MAML1: variants seen among roughly 807,000 people sequenced by gnomAD.
MAML1 encodes mastermind-like protein 1.
MAML1 carries 14 observed loss-of-function variants against 77.1 expected under a neutral mutation model. The observed-to-expected ratio is 0.18, with a 90% CI of 0.12 to 0.28. MAML1 has a LOEUF of 0.28. Ranked by LOEUF, MAML1 falls within the 10% of genes least tolerant of loss-of-function variation. The pLI, the probability that MAML1 is intolerant of heterozygous loss-of-function variation, is 1.00. For synonymous variants in MAML1, 516 were observed against 551.9 expected (o/e 0.93, Z 0.91); for missense variants, 1,217 against 1,327.8 (o/e 0.92, Z 1.30).
At position 179,733,201 on chromosome 5, in the gene MAML1, G is replaced by T; in HGVS notation, c.89G>T (p.Cys30Phe). The T allele has an allele frequency of 6.8e-7, 1 of 1,477,786 alleles. No homozygotes were observed. 91.5% of individuals were successfully genotyped at this position (1,477,786 alleles called of 1,614,324 possible). A position where few individuals can be genotyped will look rare whatever the true frequency, so the allele number is the denominator to read the frequency against. The change falls in exon 1 of 5, where the codon TGC becomes TTC. Residue 30 changes from cysteine (C) to phenylalanine (F), a missense_variant. Physicochemically the swap from Cys to Phe is radical, Grantham distance 205. This residue lies in a region of MAML1 where 312 missense variants were observed against 331.4 expected (regional missense o/e 0.94). Coordinates refer to ENST00000292599, the MANE Select transcript of MAML1 (RefSeq NM_014757.5). ...MERLRRRIEL[C>F]RRHHSTCEAR... Reference sequence around the variant, plus strand: ...CGCCTTCGCCGGCGCATCGAGCTGTGCCGGCGCCACCACAGCACCTGCGAG... The same window carrying T: ...CGCCTTCGCCGGCGCATCGAGCTGTTCCGGCGCCACCACAGCACCTGCGAG...
chr5:179,749,822 G>A (rs1180453746), intron 1 of MAML1, among the ~76,000 whole-genome samples: 1 of 152,150 alleles, frequency 6.6e-6, no homozygotes, highest in African/African-American at 2.4e-5. Flanking sequence ...GCAGGCCATG[G>A]TGAGCTTAGA....
At chr5:179,739,030 A>C (rs1486046100) in intron 1 of MAML1, among the ~76,000 whole-genome samples, 1 of 152,012 alleles carries the variant, frequency 6.6e-6, no homozygotes, top group Non-Finnish European at 1.5e-5. Context: ...CAGCTTTCTG[A>C]CTTTTTTTCT....
chr5:179,771,079 C>A lies in MAML1; in HGVS notation c.1972-68C>A. The A allele has an allele frequency of 1.7e-6, 2 of 1,187,192 alleles. No homozygotes were observed. Among genetic ancestry groups the A allele is most frequent in the Middle Eastern group, 1.9e-4 (1 of 5,236 alleles). 73.5% of individuals were successfully genotyped at this position (1,187,192 alleles called of 1,614,324 possible). A position where few individuals can be genotyped will look rare whatever the true frequency, so the allele number is the denominator to read the frequency against. On this transcript the variant is annotated intron_variant, in intron 3 of 4. Coordinates refer to ENST00000292599, the MANE Select transcript of MAML1 (RefSeq NM_014757.5). The surrounding 1 kb of genome is among the most constrained non-coding windows in gnomAD (Gnocchi z 4.7). Reference sequence around the variant, plus strand: ...TGGATAAGTTACTTTTCTCTGACCTCCCTCACTCCCTTTGTTTTGGATTTT... The same window carrying A: ...TGGATAAGTTACTTTTCTCTGACCTACCTCACTCCCTTTGTTTTGGATTTT...
At chr5:179,753,385 A>G (rs1459065781) in intron 1 of MAML1, among the ~76,000 whole-genome samples, 1 of 152,120 alleles carries the variant, frequency 6.6e-6, no homozygotes, top group Non-Finnish European at 1.5e-5. Flanking sequence ...TACGTTTGAT[A>G]ATATTTCAAA....
intron 1 of MAML1, among the ~76,000 whole-genome samples, chr5:179,752,571 G>A (rs2113354548): frequency 7.7e-6 from 1 of 129,202 alleles, no homozygotes; most frequent in East Asian, 2.3e-4. Flanking sequence ...TTTGTACTGT[G>A]TTGAGTTTAA....
chr5:179,775,568 T>G lies in MAML1; in HGVS notation c.*691T>G. The G allele has an allele frequency of 1.0e-6, 1 of 985,298 alleles. No individual in the cohort carries two copies. The highest frequency in any genetic ancestry group is 1.2e-6 in the Non-Finnish European group (1 of 829,846). The allele number at this position is 985,298 out of a possible 1,614,324, so 61.0% of individuals were successfully genotyped here. On this transcript the variant is annotated 3_prime_UTR_variant, in exon 5 of 5. Coordinates refer to ENST00000292599, the MANE Select transcript of MAML1 (RefSeq NM_014757.5). ...GGGATAGCAGGTCTGGTGACACAGC[T>G]AGGGTCTTCCTAGCAGCTCCTCCTC...
chr5:179,767,584 T>A (rs1478720234), intron 2 of MAML1, among the ~76,000 whole-genome samples: 1 of 152,232 alleles, frequency 6.6e-6, no homozygotes, highest in Non-Finnish European at 1.5e-5. Context: ...TTATTTCTAA[T>A]AGCCAAAAAC....
rs946767960 is a variant in MAML1 at position 179,777,209 on chromosome 5, G to A, written c.*2332G>A. On this transcript the variant is annotated 3_prime_UTR_variant, in exon 5 of 5. Transcript: ENST00000292599. ...ATATTCTTCTACTGCCCTTAACTCT[G>A]GTATACACCAAAAAGAAATCTTTAC... 10 of 970,616 alleles carry A rather than the reference G, an allele frequency of 1.0e-5. No homozygotes were observed. In the African/African-American group the frequency reaches 1.8e-4, roughly 17 times the overall value. The allele number at this position is 970,616 out of a possible 1,614,324, so 60.1% of individuals were successfully genotyped here. A position where few individuals can be genotyped will look rare whatever the true frequency, so the allele number is the denominator to read the frequency against.
intron 1 of MAML1, 36 bp from the exon 2 acceptor site, chr5:179,765,290 T>C (rs1253928091): frequency 1.3e-6 from 2 of 1,526,916 alleles, no homozygotes; most frequent in Admixed American, 2.0e-5. Flanking sequence ...AGCAAATTCA[T>C]ATGTATCTTA....
intron 1 of MAML1, among the ~76,000 whole-genome samples, chr5:179,749,625 A>G (rs1189464407): frequency 6.6e-6 from 1 of 152,212 alleles, no homozygotes; most frequent in Non-Finnish European, 1.5e-5. Flanking sequence ...GATGTGTTCC[A>G]CCAAATTGAA....
intron 1 of MAML1, among the ~76,000 whole-genome samples, 193 bp downstream of exon 1, chr5:179,733,620 G>A (rs916497311): frequency 2.0e-5 from 3 of 152,242 alleles, no homozygotes; most frequent in African/African-American, 7.2e-5. Context: ...GCGTTACTTT[G>A]GGAAAACAGC....
chr5:179,757,815 T>C (rs1466487663), intron 1 of MAML1, among the ~76,000 whole-genome samples: 2 of 152,190 alleles, frequency 1.3e-5, no homozygotes, highest in East Asian at 3.8e-4. Context: ...TATTTAACAA[T>C]TTTGTTTCTC....
At chr5:179,757,504 G>T (rs1186672091) in intron 1 of MAML1, among the ~76,000 whole-genome samples, 1 of 151,964 alleles carries the variant, frequency 6.6e-6, no homozygotes, top group Non-Finnish European at 1.5e-5. Context: ...GGAGGCGGAG[G>T]TTGCAGTGAG....
chr5:179,771,108 A>G lies in MAML1; in HGVS notation c.1972-39A>G. 6.6e-7 allele frequency: 1 copy of G among 1,512,116 alleles called. No individual in the cohort carries two copies. The highest frequency in any genetic ancestry group is 9.2e-7 in the Non-Finnish European group (1 of 1,087,176). 93.7% of individuals were successfully genotyped at this position (1,512,116 alleles called of 1,614,324 possible). A position where few individuals can be genotyped will look rare whatever the true frequency, so the allele number is the denominator to read the frequency against. On this transcript the variant is annotated intron_variant, in intron 3 of 4. Coordinates refer to ENST00000292599, the MANE Select transcript of MAML1 (RefSeq NM_014757.5). This position sits in a 1 kb window ranked among gnomAD's most constrained non-coding sequence, Gnocchi z 4.7. ...CACTCCCTTTGTTTTGGATTTTGTT[A>G]TATGTTGGTTTTGTTTTGTTGTTCT... is the stretch of plus-strand genomic sequence containing the variant.
At position 179,748,953 on chromosome 5, in the gene MAML1, T is replaced by TC. The variant is rs1779435593; in HGVS notation, c.315+15526_315+15527insC. On this transcript the variant is annotated intron_variant, in intron 1 of 4. Transcript: ENST00000292599. ...TAAGTGAGAAAAAGGTGTTTTTGTT[T>TC]TTTTTTTTTTTGTTTTTTGTTTGTT... 8.0e-5 allele frequency among the ~76,000 whole-genome samples: 9 copies of TC among 113,112 alleles called. No homozygotes were observed. The Admixed American group carries it at 9.4e-4, about 12-fold the overall frequency. The allele number at this position is 113,112 out of a possible 152,430, so 74.2% of individuals were successfully genotyped here.
At chr5:179,756,726 A>G (rs902575776) in intron 1 of MAML1, among the ~76,000 whole-genome samples, 7 of 152,366 alleles carry the variant, frequency 4.6e-5, no homozygotes, top group Non-Finnish European at 5.9e-5. Flanking sequence ...AACAGAAGTC[A>G]GCATGAAGTT....
chr5:179,753,373 G>A (rs1779543333), intron 1 of MAML1, among the ~76,000 whole-genome samples: 1 of 152,052 alleles, frequency 6.6e-6, no homozygotes, highest in Non-Finnish European at 1.5e-5. Flanking sequence ...TACCCTCCGT[G>A]CTACGTTTGA....
chr5:179,755,985 C>G (rs112448184), intron 1 of MAML1, among the ~76,000 whole-genome samples: 2 of 150,876 alleles, frequency 1.3e-5, no homozygotes, highest in Admixed American at 1.3e-4. Flanking sequence ...AGGCTGGTCT[C>G]GAACTCCTGA....
intron 1 of MAML1, among the ~76,000 whole-genome samples, chr5:179,754,502 G>A (rs1003994651): frequency 3.3e-5 from 5 of 151,824 alleles, no homozygotes; most frequent in African/African-American, 9.7e-5. Context: ...ACTGAAGTGG[G>A]AAGATAGAGC....
Sources: gnomAD v4.1 joint callset for allele counts (sites outside exome capture counted in the v4.1 genomes callset) on GRCh38, gnomAD v4.1.1 for gene constraint, gnomAD v4.1.1 regional missense constraint, Gnocchi (gnomAD v3.1) non-coding constraint, MANE v1.5 for transcripts, NCBI Gene and HGNC (gene_info 2026-07-23, HGNC 2026-07-21) for gene names.